DMRT1: variants seen among roughly 807,000 people sequenced by gnomAD.
DMRT1 encodes doublesex- and mab-3-related transcription factor 1.
In DMRT1, 7 loss-of-function variants were observed where a neutral mutation model predicts 32.3. The observed-to-expected ratio is 0.22, with a 90% CI of 0.12 to 0.41. The LOEUF (loss-of-function observed/expected upper bound fraction) is 0.41, where lower values mean the gene tolerates loss of function less well. Ranked by LOEUF, DMRT1 falls within the 10% of genes least tolerant of loss-of-function variation. The probability of loss-of-function intolerance (pLI) is 1.00; values close to 1 mark genes in which losing one functional copy is unlikely to be tolerated. For missense variants in DMRT1, 625 were observed against 500.5 expected (o/e 1.25, Z -2.37); for synonymous variants, 278 against 206.1 (o/e 1.35, Z -2.99).
chr9:843,251 G>A (rs1589437546), intron 1 of DMRT1, among the ~76,000 whole-genome samples: 1 of 152,344 alleles, frequency 6.6e-6, no homozygotes, highest in East Asian at 1.9e-4. Flanking sequence ...TAACCTGTCG[G>A]AAAGCCTTGT....
In DMRT1 at chr9:841,837, C is replaced by A. The variant is rs142703931; in HGVS notation, c.-2C>A. ...AGTGCTCGCACTTCTCCTAGGGGCA[C>A]CATGCCCAACGACGAGGCATTCAGC... On this transcript the variant is annotated 5_prime_UTR_variant, in exon 1 of 5. Transcript: ENST00000382276. 6 of 1,609,776 alleles carry A rather than the reference C, an allele frequency of 3.7e-6. No homozygotes were observed. Among genetic ancestry groups the A allele is most frequent in the Non-Finnish European group, 5.1e-6 (6 of 1,178,442 alleles).
intron 3 of DMRT1, among the ~76,000 whole-genome samples, chr9:914,337 G>C (rs1818096242): frequency 6.6e-6 from 1 of 151,938 alleles, no homozygotes. Flanking sequence ...CACTTTGGGA[G>C]GCCGAGGCGG....
intron 3 of DMRT1, among the ~76,000 whole-genome samples, chr9:903,715 T>TA (rs1817671948): frequency 6.6e-6 from 1 of 152,114 alleles, no homozygotes; most frequent in African/African-American, 2.4e-5. Flanking sequence ...GTGTTTTGGT[T>TA]AAAAATATGT....
chr9:842,039 C>G lies in DMRT1; in HGVS notation c.201C>G (p.Ser67Arg). 6.5e-6 allele frequency: 10 copies of G among 1,546,590 alleles called. No individual in the cohort carries two copies. Among genetic ancestry groups the G allele is most frequent in the Non-Finnish European group, 8.7e-6 (10 of 1,148,864 alleles). Residue 67 changes from serine (S) to arginine (R), a missense_variant, in exon 1 of 5, where the codon AGC becomes AGG. Physicochemically the swap from Ser to Arg is moderately radical, Grantham distance 110. Around this residue, in one of 3 missense-constraint regions of DMRT1, gnomAD observed 201 missense variants for 152.0 expected, o/e 1.32. Transcript: ENST00000382276. ...GGGCGTCGGACCTGGGTGCCGGGAG[C>G]AAGAAGTCCCCGCGGCTGCCCAAGT... ...GSGASDLGAG[S>R]KKSPRLPKCA...
chr9:938,475 C>A (rs755283784), intron 4 of DMRT1, among the ~76,000 whole-genome samples: 3 of 152,140 alleles, frequency 2.0e-5, no homozygotes, highest in Non-Finnish European at 2.9e-5. Context: ...ATAGTTTTAT[C>A]TGTGCCTGTC....
chr9:874,208 C>G (rs1312814173), intron 2 of DMRT1, among the ~76,000 whole-genome samples: 2 of 152,128 alleles, frequency 1.3e-5, no homozygotes, highest in African/African-American at 4.8e-5. Context: ...GAAATTTTTT[C>G]CCAGTCTTGA....
At chr9:941,045 T>G (rs1344655975) in intron 4 of DMRT1, among the ~76,000 whole-genome samples, 1 of 152,204 alleles carries the variant, frequency 6.6e-6, no homozygotes, top group Non-Finnish European at 1.5e-5. Flanking sequence ...TTGACAAGGA[T>G]GTGGAATAAT....
chr9:845,856 T>C (rs1838881442), intron 1 of DMRT1, among the ~76,000 whole-genome samples: 1 of 152,122 alleles, frequency 6.6e-6, no homozygotes, highest in Admixed American at 6.6e-5. Context: ...GTCCTCCTCA[T>C]CCTATTCTTC....
At chr9:913,803 G>A (rs1042526903) in intron 3 of DMRT1, among the ~76,000 whole-genome samples, 2 of 152,190 alleles carry the variant, frequency 1.3e-5, no homozygotes, top group African/African-American at 4.8e-5. Flanking sequence ...TGACGCAGGA[G>A]AATCGCTTGA....
chr9:913,003 A>G (rs527813545), intron 3 of DMRT1, among the ~76,000 whole-genome samples: 1 of 152,332 alleles, frequency 6.6e-6, no homozygotes, highest in South Asian at 2.1e-4. Flanking sequence ...ACAAATTGCT[A>G]GAGACTGTAT....
At chr9:881,053 G>T (rs1816716317) in intron 2 of DMRT1, among the ~76,000 whole-genome samples, 1 of 152,230 alleles carries the variant, frequency 6.6e-6, no homozygotes, top group African/African-American at 2.4e-5. Flanking sequence ...TCCCATTGCG[G>T]GAGGCTGTCA....
At chr9:908,986 A>G (rs1347146777) in intron 3 of DMRT1, among the ~76,000 whole-genome samples, 1 of 152,078 alleles carries the variant, frequency 6.6e-6, no homozygotes, top group Non-Finnish European at 1.5e-5. Flanking sequence ...ACACACGTTG[A>G]AGGATCCTCT....
intron 4 of DMRT1, among the ~76,000 whole-genome samples, chr9:935,165 T>A (rs960650858): frequency 1.3e-5 from 2 of 152,194 alleles, no homozygotes; most frequent in African/African-American, 4.8e-5. Context: ...TGGTAATTTT[T>A]AAAATACCCA....
At position 861,720 on chromosome 9, in the gene DMRT1, C is replaced by T. The variant is rs192228576; in HGVS notation, c.538+14577C>T. 5.1e-3 allele frequency among the ~76,000 whole-genome samples: 759 copies of T among 148,482 alleles called. 6 individuals are homozygous for T. Among genetic ancestry groups the T allele is most frequent in the African/African-American group, 0.018 (712 of 39,762 alleles). On this transcript the variant is annotated intron_variant, in intron 2 of 4. Coordinates refer to ENST00000382276, the MANE Select transcript of DMRT1 (RefSeq NM_021951.3). ...CCACCTCCCAGACGGGGCGGCTGGC[C>T]GGGCAGGGGCTGCCCCCCACCTCCT...
intron 2 of DMRT1, among the ~76,000 whole-genome samples, chr9:863,588 T>G (rs575742472): frequency 6.6e-5 from 10 of 152,198 alleles, no homozygotes; most frequent in African/African-American, 2.4e-4. Context: ...GCCATCTAAC[T>G]GATTGAGCAA....
intron 4 of DMRT1, among the ~76,000 whole-genome samples, chr9:961,712 T>C (rs75039245): frequency 0.021 from 3,222 of 152,324 alleles, 40 homozygotes; most frequent in Non-Finnish European, 0.033. Context: ...AGGCAACATG[T>C]ATGTGTGGCC....
chr9:933,927 A>G (rs748412513), intron 4 of DMRT1, among the ~76,000 whole-genome samples: 11 of 152,020 alleles, frequency 7.2e-5, no homozygotes, highest in Non-Finnish European at 1.0e-4. Flanking sequence ...TTATTCTCCT[A>G]TCCTGTCGGG....
chr9:845,775 G>A (rs1028673644), intron 1 of DMRT1, among the ~76,000 whole-genome samples: 2 of 47,228 alleles, frequency 4.2e-5, no homozygotes, highest in African/African-American at 1.1e-4. Context: ...AGCAGACCCT[G>A]CCTGCCTTTC....
At chr9:881,815 C>T (rs1324351109) in intron 2 of DMRT1, among the ~76,000 whole-genome samples, 1 of 152,206 alleles carries the variant, frequency 6.6e-6, no homozygotes, top group Non-Finnish European at 1.5e-5. Context: ...TTCTCCACCC[C>T]CAAACTCAAG....
Sources: gnomAD v4.1 joint callset for allele counts (sites outside exome capture counted in the v4.1 genomes callset) on GRCh38, gnomAD v4.1.1 for gene constraint, gnomAD v4.1.1 regional missense constraint, MANE v1.5 for transcripts, NCBI Gene and HGNC (gene_info 2026-07-23, HGNC 2026-07-21) for gene names.